C9orf72: variants seen among roughly 807,000 people sequenced by gnomAD.
C9orf72 encodes guanine nucleotide exchange factor C9orf72.
Under a neutral mutation model 51.6 loss-of-function variants are expected in C9orf72, and 44 were observed. The ratio of observed to expected loss-of-function variants is 0.85; its 90% CI spans 0.67 to 1.10. The LOEUF (loss-of-function observed/expected upper bound fraction) is 1.10. Among genes scored for constraint, C9orf72 ranks in the 50% least tolerant of loss-of-function variants. The pLI, the probability that C9orf72 is intolerant of heterozygous loss-of-function variation, is 0.00. For synonymous variants in C9orf72, 213 were observed against 194.2 expected, an observed-to-expected ratio of 1.10 and a Z score of -0.81; for missense variants, 607 against 570.6, an observed-to-expected ratio of 1.06 and a Z score of -0.65.
intron 4 of C9orf72, among the ~76,000 whole-genome samples, chr9:27,561,980 T>TAA (rs1819361971): frequency 6.6e-6 from 1 of 152,200 alleles, no homozygotes; most frequent in African/African-American, 2.4e-5. Flanking sequence ...AGTGTGTGAT[T>TAA]CAAAACGTCC....
At chr9:27,570,545 T>C (rs1444332485) in intron 1 of C9orf72, among the ~76,000 whole-genome samples, 2 of 152,028 alleles carry the variant, frequency 1.3e-5, no homozygotes, top group Non-Finnish European at 2.9e-5. Context: ...ATACTGCTAG[T>C]TACACTCTCA....
At chr9:27,554,003 A>C (rs2131531932) in intron 8 of C9orf72, among the ~76,000 whole-genome samples, 1 of 152,292 alleles carries the variant, frequency 6.6e-6, no homozygotes, top group Admixed American at 6.5e-5. Context: ...ATTATTAAAA[A>C]GTCAAAAAAT....
intron 8 of C9orf72, among the ~76,000 whole-genome samples, chr9:27,551,009 T>C (rs1046102316): frequency 6.6e-6 from 1 of 152,146 alleles, no homozygotes; most frequent in Non-Finnish European, 1.5e-5. Context: ...CAATCTATTT[T>C]ACTACTCTCA....
chr9:27,565,806 GAA>G (rs1175328622), intron 2 of C9orf72, among the ~76,000 whole-genome samples: 5 of 151,960 alleles, frequency 3.3e-5, no homozygotes, highest in Non-Finnish European at 7.4e-5. Context: ...ATTCTGCAGT[GAA>G]AAAAAGATAA....
chr9:27,555,400 G>A (rs1820988314), intron 8 of C9orf72, among the ~76,000 whole-genome samples: 1 of 152,000 alleles, frequency 6.6e-6, no homozygotes, highest in African/African-American at 2.4e-5. Context: ...TGTAATTACT[G>A]GTGCTCCACA....
chr9:27,558,387 T>C, intron 7 of C9orf72, 104 bp downstream of exon 7: 1 of 723,230 alleles, frequency 1.4e-6, no homozygotes, highest in Non-Finnish European at 2.4e-6. Flanking sequence ...TCTGGGCATG[T>C]CAATATGAGA....
At chr9:27,558,844 T>A in intron 6 of C9orf72, 1 of 374,608 alleles carries the variant, frequency 2.7e-6, no homozygotes, top group Non-Finnish European at 4.9e-6. Flanking sequence ...TCAAAACCTT[T>A]AACATTTGGC....
In C9orf72 at chr9:27,547,308, T is replaced by A. The variant is rs1168057325; in HGVS notation, c.*928A>T. The A allele has an allele frequency of 6.6e-6, 1 of 152,632 alleles. No individual in the cohort carries two copies. Among genetic ancestry groups the A allele is most frequent in the Non-Finnish European group, 1.5e-5 (1 of 68,022 alleles). The allele number at this position is 152,632 out of a possible 1,614,324, so 9.5% of individuals were successfully genotyped here. A position where few individuals can be genotyped will look rare whatever the true frequency, so the allele number is the denominator to read the frequency against. On this transcript the variant is annotated 3_prime_UTR_variant, in exon 11 of 11. Coordinates refer to ENST00000380003, the MANE Select transcript of C9orf72 (RefSeq NM_018325.5). ...GTATATTCTCTAAGGCATTTTATAA[T>A]CTCAGAGTTGCAATGATTGCCAAAG...
At position 27,561,661 on chromosome 9, in the gene C9orf72, C is replaced by A; in HGVS notation, c.601-12G>T. ...ACTGTATCAGCTATCTAAAATGCAT[C>A]AAAAAATAAAAAAATTAGTCTGGCT... On this transcript the variant is annotated splice_polypyrimidine_tract_variant and intron_variant, in intron 4 of 10. Transcript: ENST00000380003. The A allele has an allele frequency of 3.3e-6, 5 of 1,533,096 alleles. No individual in the cohort carries two copies. In the Admixed American group the frequency reaches 5.5e-5, roughly 17 times the overall value. The allele number at this position is 1,533,096 out of a possible 1,614,324, so 95.0% of individuals were successfully genotyped here.
intron 9 of C9orf72, among the ~76,000 whole-genome samples, chr9:27,549,284 A>G (rs1820855240): frequency 6.6e-6 from 1 of 152,238 alleles, no homozygotes; most frequent in East Asian, 1.9e-4. Context: ...TTTTCTGCCC[A>G]AATCTTCAAA....
At chr9:27,572,733 G>A (rs1165924826) in intron 1 of C9orf72, among the ~76,000 whole-genome samples, 2 of 152,166 alleles carry the variant, frequency 1.3e-5, no homozygotes, top group African/African-American at 4.8e-5. Flanking sequence ...ACACGGACAT[G>A]TAATCTGTGC....
At position 27,572,271 on chromosome 9, in the gene C9orf72, T is replaced by C. The variant is rs118012077; in HGVS notation, c.-45+1160A>G. ...TCAGCATGTAGCAGTTTCCAACTGA[T>C]TCAGGGTTTTCCTAAAGTGGCAGGC... is the stretch of plus-strand genomic sequence containing the variant. On this transcript the variant is annotated intron_variant, in intron 1 of 10. Coordinates refer to ENST00000380003, the MANE Select transcript of C9orf72 (RefSeq NM_018325.5). Among the ~76,000 whole-genome samples the C allele has an allele frequency of 2.0e-5, 3 of 152,346 alleles. No homozygotes were observed. The East Asian group carries it at 5.8e-4, about 29-fold the overall frequency.
At chr9:27,561,930 C>A (rs924402472) in intron 4 of C9orf72, among the ~76,000 whole-genome samples, 1 of 152,130 alleles carries the variant, frequency 6.6e-6, no homozygotes, top group Non-Finnish European at 1.5e-5. Context: ...AATCAGAAAA[C>A]AACAAGAATA....
Position 27,548,579 on chromosome 9 carries a change from T to C in C9orf72, c.1237A>G (p.Ile413Val), listed in dbSNP as rs1820832156. 1 of 1,599,854 alleles carries C rather than the reference T, an allele frequency of 6.3e-7. No individual in the cohort carries two copies. Among genetic ancestry groups the C allele is most frequent in the Non-Finnish European group, 8.6e-7 (1 of 1,167,088 alleles). Residue 413 changes from isoleucine (I) to valine (V), a missense_variant, in exon 10 of 11, where the codon ATA becomes GTA. Coordinates refer to ENST00000380003, the MANE Select transcript of C9orf72 (RefSeq NM_018325.5). ...CACGTATCGTCTTCTATATATTTTA[T>C]TAGTGTCAAGGCTTTTCTGTGAAGG... is the stretch of plus-strand genomic sequence containing the variant. Reference protein sequence around the residue: ...LVLHRKALTLIKYIEDDTQKG... With the variant: ...LVLHRKALTLVKYIEDDTQKG...
rs1309074788 is a variant in C9orf72 at position 27,553,264 on chromosome 9, A to G, written c.1092-2557T>C. On this transcript the variant is annotated intron_variant, in intron 8 of 10. Coordinates refer to ENST00000380003, the MANE Select transcript of C9orf72 (RefSeq NM_018325.5). Reference sequence around the variant, plus strand: ...AAAAAGGAGCCCAAATAGCCAAAGCAATCCTAAGCAAAAAGAACAAAGCTG... The same window carrying G: ...AAAAAGGAGCCCAAATAGCCAAAGCGATCCTAAGCAAAAAGAACAAAGCTG... Among the ~76,000 whole-genome samples, 5 of 152,222 alleles carry G rather than the reference A, an allele frequency of 3.3e-5. No homozygotes were observed. The East Asian group carries it at 9.6e-4, about 29-fold the overall frequency.
Position 27,558,544 on chromosome 9 carries a change from C to T in C9orf72, c.802G>A (p.Ala268Thr), listed in dbSNP as rs767245865. The T allele has an allele frequency of 1.2e-6, 2 of 1,609,020 alleles. No homozygotes were observed. The highest frequency in any genetic ancestry group is 1.7e-6 in the Non-Finnish European group (2 of 1,177,974). Residue 268 changes from alanine to threonine, a missense_variant, in exon 7 of 11, where the codon GCA (alanine) becomes ACA (threonine). Ala to Thr is a moderately conservative substitution (Grantham distance 58). Coordinates refer to ENST00000380003, the MANE Select transcript of C9orf72 (RefSeq NM_018325.5). Reference protein sequence around the residue: ...AERKCSRLCEAESSFKYESGL... With the variant: ...AERKCSRLCETESSFKYESGL... The stretch of plus-strand genomic sequence containing the variant: ...GACTCATATTTAAATGATGATTCTG[C>T]TTCACATAACCTGGAGCATTTTCTC...
Position 27,573,479 on chromosome 9 carries a change from A to C in C9orf72, c.-93T>G. ...CGCCGCCGCGGGCGCAGGCACCGCA[A>C]CCGCAGCCCCGCCCCGGGCCCGCCC... On this transcript the variant is annotated 5_prime_UTR_variant, in exon 1 of 11. Transcript: ENST00000380003. 2 of 124,386 alleles carry C rather than the reference A, an allele frequency of 1.6e-5. No individual in the cohort carries two copies. The highest frequency in any genetic ancestry group is 3.0e-5 in the African/African-American group (1 of 33,086). The allele number at this position is 124,386 out of a possible 1,614,324, so 7.7% of individuals were successfully genotyped here. A position where few individuals can be genotyped will look rare whatever the true frequency, so the allele number is the denominator to read the frequency against.
intron 8 of C9orf72, chr9:27,556,357 A>T: frequency 1.7e-6 from 1 of 583,536 alleles, no homozygotes; most frequent in South Asian, 2.2e-5. Context: ...TTAAGGGTTA[A>T]TCTTACCTAT....
chr9:27,562,187 A>T (rs1443147078), intron 4 of C9orf72, among the ~76,000 whole-genome samples, 194 bp downstream of exon 4: 1 of 152,202 alleles, frequency 6.6e-6, no homozygotes. Flanking sequence ...GTCATCACTG[A>T]TCAAAAATGC....
Sources: gnomAD v4.1 joint callset for allele counts (sites outside exome capture counted in the v4.1 genomes callset) on GRCh38, gnomAD v4.1.1 for gene constraint, MANE v1.5 for transcripts, NCBI Gene and HGNC (gene_info 2026-07-23, HGNC 2026-07-21) for gene names.